GRID2: variants seen among roughly 807,000 people sequenced by gnomAD.
GRID2 encodes glutamate receptor ionotropic, delta-2.
In GRID2, 33 loss-of-function variants were observed where a neutral mutation model predicts 114.8. The ratio of observed to expected loss-of-function variants is 0.29; its 90% CI spans 0.22 to 0.38. The LOEUF (loss-of-function observed/expected upper bound fraction) is 0.38. Among genes scored for constraint, GRID2 ranks in the 10% least tolerant of loss-of-function variants. The pLI, the probability that GRID2 is intolerant of heterozygous loss-of-function variation, is 1.00. For synonymous variants in GRID2, 505 were observed against 449.9 expected (o/e 1.12, Z -1.55); for missense variants, 1,184 against 1,257.7 (o/e 0.94, Z 0.89).
chr4:92,512,271 G>C (rs1055339371), intron 1 of GRID2, among the ~76,000 whole-genome samples: 1 of 151,732 alleles, frequency 6.6e-6, no homozygotes, highest in Non-Finnish European at 1.5e-5. Flanking sequence ...CCATTTATCT[G>C]TCTATAGACA....
intron 4 of GRID2, among the ~76,000 whole-genome samples, chr4:93,188,307 G>C (rs1740635135): frequency 6.6e-6 from 1 of 152,182 alleles, no homozygotes; most frequent in African/African-American, 2.4e-5. Context: ...GCACTGTGCA[G>C]ATGCCATCAT....
At chr4:92,689,544 C>T (rs1734077361) in intron 2 of GRID2, among the ~76,000 whole-genome samples, 1 of 152,216 alleles carries the variant, frequency 6.6e-6, no homozygotes, top group Non-Finnish European at 1.5e-5. Context: ...ATTAGATTCT[C>T]ATAAAAGTTT....
chr4:92,331,057 G>A (rs1253337516), intron 1 of GRID2, among the ~76,000 whole-genome samples: 2 of 152,160 alleles, frequency 1.3e-5, no homozygotes, highest in Non-Finnish European at 2.9e-5. Flanking sequence ...AAATTGTAGA[G>A]TTTGTCCTAC....
intron 8 of GRID2, among the ~76,000 whole-genome samples, chr4:93,260,667 T>G (rs1428723082): frequency 1.3e-5 from 2 of 151,816 alleles, no homozygotes; most frequent in African/African-American, 4.8e-5. Flanking sequence ...TATATTATGG[T>G]AGTCATGAAT....
At chr4:92,804,154 C>T (rs1252774912) in intron 2 of GRID2, among the ~76,000 whole-genome samples, 6 of 152,018 alleles carry the variant, frequency 3.9e-5, no homozygotes, top group African/African-American at 7.2e-5. Context: ...CCCACCCTAA[C>T]GACTTTACCT....
rs201479340 is a variant in GRID2 at position 93,084,278 on chromosome 4, GT to G, written c.245-716del. 2.3e-3 allele frequency among the ~76,000 whole-genome samples: 353 copies of G among 152,152 alleles called. 1 individual carries two copies. Among genetic ancestry groups the G allele is most frequent in the African/African-American group, 8.1e-3 (335 of 41,518 alleles). ...GAGGTATGCACATAGAAGAGTTAAA[GT>G]GAAATAAAAATAGATTGTAACCATA... On this transcript the variant is annotated intron_variant, in intron 2 of 15. Transcript: ENST00000282020.
At chr4:93,745,367 T>C (rs1290351288) in intron 14 of GRID2, among the ~76,000 whole-genome samples, 1 of 152,226 alleles carries the variant, frequency 6.6e-6, no homozygotes, top group Non-Finnish European at 1.5e-5. Context: ...TGTTGCCTTC[T>C]ATTTATTTAA....
intron 8 of GRID2, among the ~76,000 whole-genome samples, chr4:93,311,840 C>T (rs1756051441): frequency 6.6e-6 from 1 of 151,960 alleles, no homozygotes; most frequent in Admixed American, 6.6e-5. Flanking sequence ...ACTTCAAGGT[C>T]ATTATTAATC....
rs574210316 is a variant in GRID2 at position 93,198,219 on chromosome 4, G to A, written c.736-9185G>A. 3.3e-5 allele frequency among the ~76,000 whole-genome samples: 5 copies of A among 152,238 alleles called. No homozygotes were observed. In the East Asian group the frequency reaches 7.7e-4, roughly 24 times the overall value. On this transcript the variant is annotated intron_variant, in intron 4 of 15. Transcript: ENST00000282020. The stretch of plus-strand genomic sequence containing the variant: ...AAAATGAAGTCCTTACTACCATGAA[G>A]CTTATTCTACAGCACAGAAAGAGAT...
intron 3 of GRID2, among the ~76,000 whole-genome samples, chr4:93,103,371 G>T (rs2149342655): frequency 6.6e-6 from 1 of 152,110 alleles, no homozygotes; most frequent in Middle Eastern, 3.4e-3. Flanking sequence ...GGCTTCCTGG[G>T]AACCTAACCT....
At chr4:93,434,905 G>A (rs1720923530) in intron 10 of GRID2, among the ~76,000 whole-genome samples, 1 of 151,768 alleles carries the variant, frequency 6.6e-6, no homozygotes, top group Non-Finnish European at 1.5e-5. Flanking sequence ...ATTGAACTTG[G>A]CCTTTTCAAT....
chr4:93,533,704 A>G (rs1731738807), intron 13 of GRID2, among the ~76,000 whole-genome samples: 1 of 151,426 alleles, frequency 6.6e-6, no homozygotes, highest in Non-Finnish European at 1.5e-5. Flanking sequence ...TAGGTTTTTT[A>G]TTTAAAAACA....
intron 1 of GRID2, among the ~76,000 whole-genome samples, chr4:92,492,560 C>T (rs1452350354): frequency 1.3e-5 from 2 of 152,048 alleles, no homozygotes; most frequent in Non-Finnish European, 2.9e-5. Context: ...GAGAACAGAA[C>T]CACATTTTTA....
At chr4:93,173,924 T>C (rs1367727269) in intron 4 of GRID2, among the ~76,000 whole-genome samples, 1 of 152,170 alleles carries the variant, frequency 6.6e-6, no homozygotes, top group East Asian at 1.9e-4. Context: ...GCAACCAGCC[T>C]GGATTTTTCT....
intron 8 of GRID2, among the ~76,000 whole-genome samples, chr4:93,255,624 A>G (rs1480910661): frequency 1.3e-5 from 2 of 152,062 alleles, no homozygotes; most frequent in Admixed American, 6.6e-5. Flanking sequence ...ATTAATTCTC[A>G]TGGGAATGGG....
intron 2 of GRID2, among the ~76,000 whole-genome samples, chr4:92,831,739 A>G (rs1413704518): frequency 6.6e-6 from 1 of 152,040 alleles, no homozygotes; most frequent in Non-Finnish European, 1.5e-5. Context: ...TGCCTTAGTT[A>G]GTCCTAGCTA....
chr4:92,990,037 A>G (rs2149201819), intron 2 of GRID2, among the ~76,000 whole-genome samples: 1 of 152,266 alleles, frequency 6.6e-6, no homozygotes, highest in African/African-American at 2.4e-5. Flanking sequence ...TGGCTTTGGA[A>G]AATACTTTCA....
chr4:93,117,626 CTCTA>C lies in GRID2; in HGVS notation c.735+6679_735+6682del, dbSNP rs140466559. ...CTCTATGACAAGCAAGTGTTCTTTT[CTCTA>C]TCTATTTATTTAGTGCCTTTTTCAA... On this transcript the variant is annotated intron_variant, in intron 4 of 15. Transcript: ENST00000282020. Among the ~76,000 whole-genome samples the C allele has an allele frequency of 3.7e-3, 567 of 152,212 alleles. 9 individuals are homozygous for C. Among genetic ancestry groups the C allele is most frequent in the African/African-American group, 0.013 (527 of 41,556 alleles).
At chr4:92,536,227 C>CAT (rs1344591889) in intron 1 of GRID2, among the ~76,000 whole-genome samples, 4 of 152,268 alleles carry the variant, frequency 2.6e-5, no homozygotes, top group African/African-American at 7.2e-5. Flanking sequence ...CTGATTGGTG[C>CAT]ATTTACAATC....
Sources: allele counts gnomAD v4.1 joint callset (sites outside exome capture counted in the v4.1 genomes callset), GRCh38; gene constraint gnomAD v4.1.1; transcripts MANE v1.5; gene names NCBI Gene and HGNC (gene_info 2026-07-23, HGNC 2026-07-21).